Variants in CCDC85A observed in about 807,000 individuals in gnomAD.
The protein encoded by CCDC85A is coiled-coil domain-containing protein 85A.
Under a neutral mutation model 50.2 loss-of-function variants are expected in CCDC85A, and 38 were observed. That is an observed-to-expected ratio of 0.76 (90% CI 0.58 to 0.99). The LOEUF is 0.99. Ranked by LOEUF, CCDC85A falls within the 50% of genes least tolerant of loss-of-function variation. The probability of loss-of-function intolerance (pLI) is 0.00; values close to 1 mark genes in which losing one functional copy is unlikely to be tolerated. For synonymous variants in CCDC85A, 366 were observed against 301.4 expected (o/e 1.21, Z -2.22); for missense variants, 820 against 742.0 (o/e 1.11, Z -1.22).
chr2:56,352,036 G>A (rs907606189), intron 3 of CCDC85A, among the ~76,000 whole-genome samples: 9 of 152,146 alleles, frequency 5.9e-5, no homozygotes, highest in Non-Finnish European at 1.3e-4. Context: ...TGTATAAGGT[G>A]TAAGGAAGGG....
intron 2 of CCDC85A, among the ~76,000 whole-genome samples, chr2:56,209,601 AG>A (rs1489859290): frequency 3.3e-5 from 5 of 152,042 alleles, no homozygotes. Flanking sequence ...CATTGGTAGT[AG>A]GAACTTCTGA....
chr2:56,188,971 T>TGATTG (rs1340244455), intron 1 of CCDC85A, among the ~76,000 whole-genome samples: 1 of 152,186 alleles, frequency 6.6e-6, no homozygotes, highest in Non-Finnish European at 1.5e-5. Flanking sequence ...TGATGTCTAG[T>TGATTG]GATTGTTCTA....
intron 2 of CCDC85A, among the ~76,000 whole-genome samples, chr2:56,294,485 A>G (rs1262053235): frequency 6.6e-6 from 1 of 152,192 alleles, no homozygotes; most frequent in Non-Finnish European, 1.5e-5. Context: ...TGGCATTTTT[A>G]TTCATTCTGT....
chr2:56,323,127 C>A (rs1461317957), intron 2 of CCDC85A, among the ~76,000 whole-genome samples: 2 of 152,050 alleles, frequency 1.3e-5, no homozygotes. Flanking sequence ...GGGAACATCA[C>A]ACACCAGGGC....
chr2:56,323,964 C>T (rs929769966), intron 2 of CCDC85A, among the ~76,000 whole-genome samples: 2 of 151,934 alleles, frequency 1.3e-5, no homozygotes, highest in African/African-American at 2.4e-5. Context: ...TTAAAATGGT[C>T]GTTTATGGAA....
chr2:56,185,438 A>G (rs1360367979), intron 1 of CCDC85A, among the ~76,000 whole-genome samples: 2 of 152,146 alleles, frequency 1.3e-5, no homozygotes, highest in African/African-American at 4.8e-5. Context: ...CACCGGGTAC[A>G]TAGGAGTTCA....
At chr2:56,291,802 G>T (rs1301456891) in intron 2 of CCDC85A, among the ~76,000 whole-genome samples, 1 of 149,030 alleles carries the variant, frequency 6.7e-6, no homozygotes, top group Non-Finnish European at 1.5e-5. Flanking sequence ...TAGACTTTTA[G>T]GGAGAGGGAG....
chr2:56,198,285 T>A (rs1277981297), intron 2 of CCDC85A, among the ~76,000 whole-genome samples: 2 of 152,252 alleles, frequency 1.3e-5, no homozygotes, highest in Non-Finnish European at 2.9e-5. Flanking sequence ...TGTGAATGAA[T>A]TTGGACAATA....
At chr2:56,227,263 T>A (rs1035319084) in intron 2 of CCDC85A, among the ~76,000 whole-genome samples, 1 of 152,234 alleles carries the variant, frequency 6.6e-6, no homozygotes, top group Non-Finnish European at 1.5e-5. Context: ...ATCCTGTTTC[T>A]ATACCCTTTC....
intron 2 of CCDC85A, among the ~76,000 whole-genome samples, chr2:56,268,473 T>C (rs1000233840): frequency 6.6e-6 from 1 of 151,720 alleles, no homozygotes; most frequent in Non-Finnish European, 1.5e-5. Flanking sequence ...CGGACGCCTG[T>C]AGTCCCAGCT....
intron 2 of CCDC85A, among the ~76,000 whole-genome samples, chr2:56,255,452 A>T (rs1669942054): frequency 1.3e-5 from 2 of 152,152 alleles, no homozygotes; most frequent in Admixed American, 6.5e-5. Context: ...TGATAAGTAA[A>T]AGATGGTAAG....
intron 2 of CCDC85A, among the ~76,000 whole-genome samples, chr2:56,201,076 CCACA>C (rs72152096): frequency 0.069 from 10,100 of 146,930 alleles, 431 homozygotes; most frequent in Middle Eastern, 0.15. Context: ...TCATCTCTCT[CCACA>C]CACACACACA....
At chr2:56,365,416 T>C (rs1309166579) in intron 3 of CCDC85A, among the ~76,000 whole-genome samples, 2 of 152,166 alleles carry the variant, frequency 1.3e-5, no homozygotes, top group African/African-American at 2.4e-5. Context: ...TTATTCATAT[T>C]AACATGCTTC....
chr2:56,306,362 AG>A (rs1352880502), intron 2 of CCDC85A, among the ~76,000 whole-genome samples: 1 of 152,114 alleles, frequency 6.6e-6, no homozygotes, highest in Non-Finnish European at 1.5e-5. Flanking sequence ...TCCTGACCTC[AG>A]GTGGTCCACC....
chr2:56,372,609 C>A, intron 4 of CCDC85A, 131 bp downstream of exon 4: 1 of 1,077,786 alleles, frequency 9.3e-7, no homozygotes, highest in Non-Finnish European at 1.2e-6. Flanking sequence ...ATGTCTAAGT[C>A]TGGGGAGGGA....
chr2:56,334,170 C>T (rs1673962620), intron 2 of CCDC85A, among the ~76,000 whole-genome samples: 1 of 152,186 alleles, frequency 6.6e-6, no homozygotes, highest in South Asian at 2.1e-4. Context: ...AAATCACCTT[C>T]ATAAAATATT....
At chr2:56,299,267 T>C (rs148715365) in intron 2 of CCDC85A, among the ~76,000 whole-genome samples, 2 of 152,142 alleles carry the variant, frequency 1.3e-5, no homozygotes, top group African/African-American at 2.4e-5. Flanking sequence ...GGTAGCTTGT[T>C]TTCAGGACAT....
At chr2:56,233,771 C>T (rs191955706) in intron 2 of CCDC85A, among the ~76,000 whole-genome samples, 223 of 152,150 alleles carry the variant, frequency 1.5e-3, no homozygotes, top group Non-Finnish European at 2.2e-3. Context: ...GTAACCAATC[C>T]CTGAATTGCA....
intron 5 of CCDC85A, among the ~76,000 whole-genome samples, chr2:56,378,712 C>G (rs1468328356): frequency 1.3e-5 from 2 of 152,112 alleles, no homozygotes; most frequent in Non-Finnish European, 2.9e-5. Context: ...CAGATAGTGT[C>G]CATGAACTTG....
Sources: gnomAD v4.1 joint callset for allele counts (sites outside exome capture counted in the v4.1 genomes callset) on GRCh38, gnomAD v4.1.1 for gene constraint, MANE v1.5 for transcripts, NCBI Gene and HGNC (gene_info 2026-07-23, HGNC 2026-07-21) for gene names.